The following KCNIP4 variants were observed in gnomAD, a reference collection of about 807,000 sequenced individuals.
KCNIP4 encodes potassium voltage-gated channel interacting protein 4.
A neutral mutation model predicts 34.0 loss-of-function variants in KCNIP4; 12 were observed. The observed-to-expected ratio is 0.35, with a 90% CI of 0.23 to 0.57. The LOEUF (loss-of-function observed/expected upper bound fraction) is 0.57, where lower values mean the gene tolerates loss of function less well. KCNIP4 is among the 20% of genes least tolerant of loss of function. The pLI is 0.83. For synonymous variants in KCNIP4, 124 were observed against 102.2 expected (o/e 1.21, Z -1.29); for missense variants, 238 against 311.7 (o/e 0.76, Z 1.78).
At chr4:20,928,912 C>T (rs1114663) in intron 1 of KCNIP4, among the ~76,000 whole-genome samples, 51,576 of 151,608 alleles carry the variant, frequency 0.34, 10,146 homozygotes, top group East Asian at 0.5. Context: ...AACTTTGCAA[C>T]AAAGAAAAGC....
At chr4:21,569,708 T>C (rs1198314689) in intron 1 of KCNIP4, among the ~76,000 whole-genome samples, 1 of 152,108 alleles carries the variant, frequency 6.6e-6, no homozygotes, top group African/African-American at 2.4e-5. Flanking sequence ...ACTCGGGTGA[T>C]TAAAGACTGA....
intron 1 of KCNIP4, among the ~76,000 whole-genome samples, chr4:21,481,009 C>T (rs1015232088): frequency 6.6e-6 from 1 of 152,014 alleles, no homozygotes; most frequent in African/African-American, 2.4e-5. Flanking sequence ...ACCAGTACTG[C>T]CAGATATCAA....
intron 1 of KCNIP4, among the ~76,000 whole-genome samples, chr4:21,710,012 C>A (rs74614048): frequency 0.017 from 2,658 of 152,230 alleles, 78 homozygotes; most frequent in African/African-American, 0.053. Flanking sequence ...ATAGGAGGGC[C>A]CACATTGGCA....
rs75351242 is a variant in KCNIP4, at chr4:21,841,109, T to A, written c.61+107462A>T. 1.5e-3 allele frequency among the ~76,000 whole-genome samples: 227 copies of A among 152,306 alleles called. 5 individuals carry two copies. The East Asian group carries it at 0.036, about 24-fold the overall frequency. On this transcript the variant is annotated intron_variant, in intron 1 of 8. Coordinates refer to ENST00000382152, the MANE Select transcript of KCNIP4 (RefSeq NM_025221.6). ...ATTTTTAAAATAACTATAAAATTAT[T>A]TTTTCCTGCTGAAGCTATCCTTGAA...
At chr4:21,231,979 C>T (rs1016910451) in intron 1 of KCNIP4, among the ~76,000 whole-genome samples, 2 of 152,146 alleles carry the variant, frequency 1.3e-5, no homozygotes, top group African/African-American at 4.8e-5. Context: ...CAAGGGCACA[C>T]ATAAAGTATA....
At chr4:21,381,782 C>T (rs968058532) in intron 1 of KCNIP4, among the ~76,000 whole-genome samples, 1 of 152,130 alleles carries the variant, frequency 6.6e-6, no homozygotes, top group Non-Finnish European at 1.5e-5. Context: ...CTACGACTCC[C>T]AGCTTTATTT....
intron 1 of KCNIP4, among the ~76,000 whole-genome samples, chr4:20,888,319 T>C (rs1560544503): frequency 1.3e-5 from 2 of 152,146 alleles, no homozygotes; most frequent in South Asian, 4.1e-4. Context: ...GTATATAAAA[T>C]GTTCAATCAC....
chr4:21,821,110 A>G (rs1329772218), intron 1 of KCNIP4, among the ~76,000 whole-genome samples: 2 of 152,160 alleles, frequency 1.3e-5, no homozygotes. Context: ...AGCAATTGTT[A>G]GCTAGTGAAA....
At chr4:20,926,525 G>T (rs953140460) in intron 1 of KCNIP4, among the ~76,000 whole-genome samples, 1 of 152,190 alleles carries the variant, frequency 6.6e-6, no homozygotes, top group Admixed American at 6.5e-5. Flanking sequence ...CATGAAGAGT[G>T]CTGTTTATAT....
intron 1 of KCNIP4, among the ~76,000 whole-genome samples, chr4:21,451,650 T>A (rs1462930962): frequency 6.6e-6 from 1 of 152,136 alleles, no homozygotes; most frequent in East Asian, 1.9e-4. Flanking sequence ...TTGTCCATAA[T>A]AACAGATGAA....
At chr4:21,071,166 C>T (rs1478258359) in intron 1 of KCNIP4, among the ~76,000 whole-genome samples, 2 of 152,146 alleles carry the variant, frequency 1.3e-5, no homozygotes, top group African/African-American at 4.8e-5. Flanking sequence ...TAAGAACTCA[C>T]AAGTCCCAGG....
chr4:21,630,872 T>C (rs1745717891), intron 1 of KCNIP4, among the ~76,000 whole-genome samples: 1 of 152,184 alleles, frequency 6.6e-6, no homozygotes, highest in African/African-American at 2.4e-5. Context: ...TAACATGTTT[T>C]GCTACTCTCC....
intron 1 of KCNIP4, among the ~76,000 whole-genome samples, chr4:21,056,269 C>CA (rs922708699): frequency 2.6e-5 from 4 of 151,610 alleles, no homozygotes; most frequent in East Asian, 1.9e-4. Context: ...TCTGTATCTA[C>CA]AAAAAAAAGC....
At chr4:21,291,868 AAAG>A (rs1439170922) in intron 1 of KCNIP4, among the ~76,000 whole-genome samples, 1,477 of 19,302 alleles carry the variant, frequency 0.077, 39 homozygotes, top group Non-Finnish European at 0.099. Context: ...AAAAAAAAAA[AAAG>A]AAAGAAAGAA....
intron 1 of KCNIP4, among the ~76,000 whole-genome samples, chr4:21,259,117 A>G (rs895899224): frequency 5.3e-5 from 8 of 152,172 alleles, no homozygotes; most frequent in African/African-American, 1.4e-4. Context: ...TGAAGCTGTG[A>G]TTTGAATCCA....
At chr4:21,022,268 A>G (rs780873808) in intron 1 of KCNIP4, among the ~76,000 whole-genome samples, 5 of 152,230 alleles carry the variant, frequency 3.3e-5, no homozygotes, top group Non-Finnish European at 7.3e-5. Flanking sequence ...AGAATGCAGC[A>G]AAACCTCACA....
At chr4:21,069,992 C>A (rs888443265) in intron 1 of KCNIP4, among the ~76,000 whole-genome samples, 4 of 152,144 alleles carry the variant, frequency 2.6e-5, no homozygotes, top group Non-Finnish European at 5.9e-5. Context: ...ATCACGTACC[C>A]AAACCCTCAT....
At chr4:21,719,523 G>T (rs1201997315) in intron 1 of KCNIP4, among the ~76,000 whole-genome samples, 2 of 152,096 alleles carry the variant, frequency 1.3e-5, no homozygotes, top group Non-Finnish European at 2.9e-5. Flanking sequence ...TAAAATAAAA[G>T]TTCAATGAAT....
intron 1 of KCNIP4, among the ~76,000 whole-genome samples, chr4:21,748,217 A>G (rs78200237): frequency 0.011 from 1,722 of 152,304 alleles, 15 homozygotes; most frequent in Non-Finnish European, 0.018. Flanking sequence ...ATATTGAGGC[A>G]GAAGGGTGTG....
Sources: gnomAD v4.1 joint callset for allele counts (sites outside exome capture counted in the v4.1 genomes callset) on GRCh38, gnomAD v4.1.1 for gene constraint, MANE v1.5 for transcripts, NCBI Gene and HGNC (gene_info 2026-07-23, HGNC 2026-07-21) for gene names.